The following KAZN variants were observed in gnomAD, a reference collection of about 807,000 sequenced individuals.
KAZN encodes the protein kazrin, periplakin interacting protein, also known as kazrin.
In KAZN, 40 loss-of-function variants were observed where a neutral mutation model predicts 87.4. The observed-to-expected ratio is 0.46, with a 90% CI of 0.36 to 0.60. The LOEUF (loss-of-function observed/expected upper bound fraction) is 0.60, where lower values mean the gene tolerates loss of function less well. Among genes scored for constraint, KAZN ranks in the 20% least tolerant of loss-of-function variants. The pLI is 0.00. For synonymous variants in KAZN, 466 were observed against 458.3 expected (o/e 1.02, Z -0.22); for missense variants, 898 against 1,073.9 (o/e 0.84, Z 2.29).
chr1:14,543,700 T>G (rs1672949650), intron 2 of KAZN, among the ~76,000 whole-genome samples: 1 of 152,162 alleles, frequency 6.6e-6, no homozygotes, highest in Non-Finnish European at 1.5e-5. Flanking sequence ...GTTATTTCCA[T>G]CCTAATGTGA....
intron 1 of KAZN, among the ~76,000 whole-genome samples, chr1:14,624,777 A>C (rs567670652): frequency 6.6e-6 from 1 of 152,320 alleles, no homozygotes; most frequent in Non-Finnish European, 1.5e-5. Context: ...TTTATACTCA[A>C]ATGTTGGAGC....
At chr1:14,728,184 G>T (rs1479810939) in intron 1 of KAZN, among the ~76,000 whole-genome samples, 2 of 151,420 alleles carry the variant, frequency 1.3e-5, no homozygotes, top group African/African-American at 2.4e-5. Context: ...TACTCGGGAG[G>T]CTGAGGCAGG....
rs532393559 is a variant in KAZN at position 14,177,545 on chromosome 1, C to T, written c.92-2890C>T. 1.5e-4 allele frequency among the ~76,000 whole-genome samples: 23 copies of T among 152,260 alleles called. No homozygotes were observed. The South Asian group carries it at 2.5e-3, about 16-fold the overall frequency. On this transcript the variant is annotated intron_variant, in intron 1 of 16. Coordinates refer to the KAZN transcript ENST00000636203. The stretch of plus-strand genomic sequence containing the variant: ...TTATAGAACTGTACATTGGCAATTT[C>T]GGTTGGCAAGTTTTTTGCTTTCAGT...
chr1:14,177,045 C>A (rs1278630144), intron 1 of KAZN, among the ~76,000 whole-genome samples: 1 of 152,064 alleles, frequency 6.6e-6, no homozygotes, highest in Non-Finnish European at 1.5e-5. Context: ...GTAGTCCCAG[C>A]TACTCGGGAG....
At chr1:14,862,378 G>A (rs1381573826) in intron 1 of KAZN, among the ~76,000 whole-genome samples, 2 of 152,136 alleles carry the variant, frequency 1.3e-5, no homozygotes, top group Non-Finnish European at 2.9e-5. Context: ...GGCTTTCTCG[G>A]GGTGCTACAA....
intron 1 of KAZN, among the ~76,000 whole-genome samples, chr1:14,854,209 C>T (rs1649802856): frequency 6.6e-6 from 1 of 152,160 alleles, no homozygotes; most frequent in Non-Finnish European, 1.5e-5. Context: ...AAGGGACTTA[C>T]CCAACAAATG....
intron 1 of KAZN, among the ~76,000 whole-genome samples, chr1:14,682,250 A>G (rs1016329652): frequency 2.0e-5 from 3 of 149,938 alleles, no homozygotes; most frequent in African/African-American, 7.4e-5. Flanking sequence ...GTCTGGCTTC[A>G]CTTATAATAC....
chr1:14,738,699 C>T (rs12125454), intron 1 of KAZN, among the ~76,000 whole-genome samples: 47,816 of 151,854 alleles, frequency 0.31, 8,225 homozygotes, highest in Middle Eastern at 0.46. Flanking sequence ...AGGTCCTTCA[C>T]GTATGAAGGC....
At chr1:14,166,117 C>G (rs1645820340) in intron 1 of KAZN, among the ~76,000 whole-genome samples, 1 of 152,178 alleles carries the variant, frequency 6.6e-6, no homozygotes, top group African/African-American at 2.4e-5. Context: ...AAATTTGAGA[C>G]CAGCCTGGCC....
rs149556136 is a variant in KAZN at position 14,432,621 on chromosome 1, G to C, written c.250-166362G>C. On this transcript the variant is annotated intron_variant, in intron 2 of 16. Coordinates refer to the KAZN transcript ENST00000636203. The stretch of plus-strand genomic sequence containing the variant: ...CAGAATGTGCAGGTTTGTTATGTAG[G>C]TATACATGTGCCATGGTGGTTTGCT... Among the ~76,000 whole-genome samples, 919 of 152,090 alleles carry C rather than the reference G, an allele frequency of 6.0e-3. 11 individuals are homozygous for C. The highest frequency in any genetic ancestry group is 0.02 in the African/African-American group (844 of 41,462).
At chr1:14,697,523 C>T (rs910708936) in intron 1 of KAZN, among the ~76,000 whole-genome samples, 4 of 152,118 alleles carry the variant, frequency 2.6e-5, no homozygotes, top group African/African-American at 9.7e-5. Context: ...TATGGAATCC[C>T]ATTTCTCATT....
intron 1 of KAZN, among the ~76,000 whole-genome samples, chr1:13,921,033 G>A (rs1223235887): frequency 6.6e-6 from 1 of 152,104 alleles, no homozygotes; most frequent in African/African-American, 2.4e-5. Context: ...CCAGACCCAT[G>A]CTAAGTCATC....
intron 1 of KAZN, among the ~76,000 whole-genome samples, chr1:14,064,867 G>A (rs1481585138): frequency 6.6e-6 from 1 of 152,166 alleles, no homozygotes; most frequent in Admixed American, 6.5e-5. Context: ...CCTGGGGCTT[G>A]TCCAGGCCAG....
chr1:14,559,327 C>T (rs112753110), intron 2 of KAZN, among the ~76,000 whole-genome samples: 3 of 152,292 alleles, frequency 2.0e-5, no homozygotes, highest in African/African-American at 7.2e-5. Flanking sequence ...TTTCCCCTAA[C>T]AAACAGAAGA....
At chr1:14,703,941 C>G (rs1642067765) in intron 1 of KAZN, among the ~76,000 whole-genome samples, 1 of 152,126 alleles carries the variant, frequency 6.6e-6, no homozygotes, top group Non-Finnish European at 1.5e-5. Flanking sequence ...GAAAAGGAAG[C>G]AAAAGGGCCA....
In KAZN at chr1:14,211,313, C is replaced by T. The variant is rs147172884; in HGVS notation, c.249+30721C>T. ...TCGACTCACTGCAAGTTCCGCCTCC[C>T]GGGTTCACACCATTCTCTCGCCTCA... is the stretch of plus-strand genomic sequence containing the variant. On this transcript the variant is annotated intron_variant, in intron 2 of 16. Coordinates refer to the KAZN transcript ENST00000636203. Among the ~76,000 whole-genome samples the T allele has an allele frequency of 2.8e-3, 429 of 152,288 alleles. 9 individuals carry two copies. The East Asian group carries it at 0.055, about 20-fold the overall frequency.
chr1:14,727,071 A>C (rs1412497855), intron 1 of KAZN, among the ~76,000 whole-genome samples: 1 of 152,226 alleles, frequency 6.6e-6, no homozygotes, highest in Non-Finnish European at 1.5e-5. Context: ...AGGATGTCAA[A>C]GAAATTACAT....
At chr1:14,356,033 TAC>T (rs1464879151) in intron 2 of KAZN, among the ~76,000 whole-genome samples, 3 of 152,226 alleles carry the variant, frequency 2.0e-5, no homozygotes, top group African/African-American at 7.2e-5. Flanking sequence ...TGAACTAATT[TAC>T]ACTCCCACCA....
intron 1 of KAZN, among the ~76,000 whole-genome samples, chr1:14,170,695 T>C (rs1410684554): frequency 1.3e-5 from 2 of 151,192 alleles, no homozygotes; most frequent in East Asian, 3.9e-4. Context: ...TAATCCTATG[T>C]TCTGCTCCTA....
Sources: allele counts gnomAD v4.1 joint callset (sites outside exome capture counted in the v4.1 genomes callset), GRCh38; gene constraint gnomAD v4.1.1; transcripts MANE v1.5; gene names NCBI Gene and HGNC (gene_info 2026-07-23, HGNC 2026-07-21).